CNTNAP2: variants seen among roughly 807,000 people sequenced by gnomAD.
The protein encoded by CNTNAP2 is contactin-associated protein-like 2.
Under a neutral mutation model 155.2 loss-of-function variants are expected in CNTNAP2, and 98 were observed. The observed-to-expected ratio is 0.63, with a 90% CI of 0.54 to 0.75. The LOEUF is 0.75. CNTNAP2 is among the 30% of genes least tolerant of loss of function. The pLI, the probability that CNTNAP2 is intolerant of heterozygous loss-of-function variation, is 0.00. For synonymous variants in CNTNAP2, 651 were observed against 631.2 expected (o/e 1.03, Z -0.47); for missense variants, 1,727 against 1,688.1 (o/e 1.02, Z -0.40).
At chr7:146,213,834 A>T (rs558631725) in intron 1 of CNTNAP2, among the ~76,000 whole-genome samples, 1 of 152,206 alleles carries the variant, frequency 6.6e-6, no homozygotes, top group South Asian at 2.1e-4. Context: ...ATAAGATGCC[A>T]TCATTGTTTT....
At chr7:146,487,865 C>G (rs1797079901) in intron 1 of CNTNAP2, among the ~76,000 whole-genome samples, 1 of 152,140 alleles carries the variant, frequency 6.6e-6, no homozygotes, top group East Asian at 1.9e-4. Flanking sequence ...TAGAGTCAGC[C>G]CTGTTTAAAA....
chr7:146,221,372 T>A (rs802533), intron 1 of CNTNAP2, among the ~76,000 whole-genome samples: 24 of 152,154 alleles, frequency 1.6e-4, no homozygotes, highest in African/African-American at 5.5e-4. Flanking sequence ...TTAAATATAC[T>A]TTTAAATATA....
intron 8 of CNTNAP2, among the ~76,000 whole-genome samples, chr7:147,160,919 C>T (rs1451120958): frequency 6.6e-6 from 1 of 152,038 alleles, no homozygotes; most frequent in South Asian, 2.1e-4. Context: ...CTTTTTCTTG[C>T]TTACTAAATA....
At chr7:147,377,106 T>C (rs529980632) in intron 9 of CNTNAP2, among the ~76,000 whole-genome samples, 1 of 151,678 alleles carries the variant, frequency 6.6e-6, no homozygotes, top group African/African-American at 2.4e-5. Context: ...ATTTTGCTTT[T>C]TCTTTTTGAT....
Position 146,116,895 on chromosome 7 carries a change from G to T in CNTNAP2, c.19G>T (p.Ala7Ser), listed in dbSNP as rs1064795189. The T allele has an allele frequency of 6.5e-7, 1 of 1,545,952 alleles. No homozygotes were observed. Among genetic ancestry groups the T allele is most frequent in the African/African-American group, 1.4e-5 (1 of 73,080 alleles). Residue 7 changes from alanine to serine, a missense_variant, in exon 1 of 24, where the codon GCC becomes TCC. By Grantham distance (99) the Ala-to-Ser change is moderately conservative. Coordinates refer to ENST00000361727, the MANE Select transcript of CNTNAP2 (RefSeq NM_014141.6). The surrounding 1 kb of genome is among the most constrained non-coding windows in gnomAD (Gnocchi z 5.5). ...GCGAAGGATGCAGGCGGCTCCGCGC[G>T]CCGGCTGCGGGGCAGCGCTCCTGCT... is the stretch of plus-strand genomic sequence containing the variant. Reference protein sequence around the residue: MQAAPRAGCGAALLLWI... With the variant: MQAAPRSGCGAALLLWI...
chr7:147,949,440 G>GTATATA (rs57422437), intron 14 of CNTNAP2, among the ~76,000 whole-genome samples: 24 of 127,398 alleles, frequency 1.9e-4, no homozygotes, highest in Non-Finnish European at 3.3e-4. Flanking sequence ...TCAACTGTGT[G>GTATATA]TATATATATA....
At chr7:146,162,230 A>T (rs918209238) in intron 1 of CNTNAP2, among the ~76,000 whole-genome samples, 3 of 152,232 alleles carry the variant, frequency 2.0e-5, no homozygotes, top group Admixed American at 1.3e-4. Flanking sequence ...CAGGCAAGCT[A>T]CAGAATGGGA....
chr7:146,930,595 T>G (rs1447258415), intron 3 of CNTNAP2, among the ~76,000 whole-genome samples: 1 of 152,168 alleles, frequency 6.6e-6, no homozygotes, highest in Non-Finnish European at 1.5e-5. Context: ...ATATTAACTT[T>G]AAATGTAAAT....
intron 13 of CNTNAP2, among the ~76,000 whole-genome samples, chr7:147,723,710 A>C (rs1796601391): frequency 1.3e-5 from 2 of 152,076 alleles, no homozygotes; most frequent in South Asian, 4.1e-4. Context: ...GGTCCAACTC[A>C]CTTCACCTCA....
intron 14 of CNTNAP2, among the ~76,000 whole-genome samples, chr7:147,916,591 G>GA (rs10545940): frequency 3.3e-4 from 45 of 135,986 alleles, no homozygotes; most frequent in Non-Finnish European, 4.9e-4. Context: ...CTTTTTTTCT[G>GA]AAAAAAAAAA....
intron 1 of CNTNAP2, among the ~76,000 whole-genome samples, chr7:146,305,319 C>T (rs532249089): frequency 1.1e-4 from 16 of 152,208 alleles, no homozygotes; most frequent in Admixed American, 3.3e-4. Flanking sequence ...CCGTTGCTGG[C>T]GAGGAACTGC....
chr7:147,587,464 C>T (rs1464291397), intron 12 of CNTNAP2, among the ~76,000 whole-genome samples: 1 of 152,130 alleles, frequency 6.6e-6, no homozygotes, highest in Non-Finnish European at 1.5e-5. Flanking sequence ...GGCTGCTTTG[C>T]TTACATTTCA....
At chr7:146,729,572 T>C (rs1431805667) in intron 1 of CNTNAP2, among the ~76,000 whole-genome samples, 1 of 151,592 alleles carries the variant, frequency 6.6e-6, no homozygotes, top group Non-Finnish European at 1.5e-5. Context: ...TAAATATATG[T>C]ATATATATAT....
At chr7:146,364,911 T>G (rs1356595722) in intron 1 of CNTNAP2, among the ~76,000 whole-genome samples, 2 of 152,172 alleles carry the variant, frequency 1.3e-5, no homozygotes, top group Non-Finnish European at 2.9e-5. Context: ...ATGTGTGTGT[T>G]TGTTAAATAT....
At chr7:146,230,394 C>A (rs532963290) in intron 1 of CNTNAP2, among the ~76,000 whole-genome samples, 1 of 152,304 alleles carries the variant, frequency 6.6e-6, no homozygotes. Flanking sequence ...TCTAGAAATT[C>A]TAGTATGCTG....
rs568633896 is a variant in CNTNAP2 at position 146,941,956 on chromosome 7, T to C, written c.403-101951T>C. On this transcript the variant is annotated intron_variant, in intron 3 of 23. Coordinates refer to ENST00000361727, the MANE Select transcript of CNTNAP2 (RefSeq NM_014141.6). Reference sequence around the variant, plus strand: ...TCTTCAATTTTTGATAGTTTGATTTTAATATGTCTTGGGGTATTCTTATTT... The same window carrying C: ...TCTTCAATTTTTGATAGTTTGATTTCAATATGTCTTGGGGTATTCTTATTT... 2.6e-5 allele frequency among the ~76,000 whole-genome samples: 4 copies of C among 152,216 alleles called. No individual in the cohort carries two copies. In the East Asian group the frequency reaches 7.7e-4, roughly 29 times the overall value.
At chr7:146,615,781 G>C (rs992615778) in intron 1 of CNTNAP2, among the ~76,000 whole-genome samples, 4 of 152,194 alleles carry the variant, frequency 2.6e-5, no homozygotes, top group Non-Finnish European at 5.9e-5. Context: ...CTGAGACACA[G>C]TATACATTGC....
rs138827017 is a variant in CNTNAP2 at position 146,877,392 on chromosome 7, C to T, written c.402+37488C>T. 6.6e-3 allele frequency among the ~76,000 whole-genome samples: 998 copies of T among 151,960 alleles called. 4 individuals are homozygous for T. The highest frequency in any genetic ancestry group is 0.017 in the Middle Eastern group (5 of 292). ...TGGTGCCATGTGCCTGCAGTCTTATCTGCTGGAGTGGCTAAACCTGGAAGA... is the reference window on the plus strand; with the variant it reads ...TGGTGCCATGTGCCTGCAGTCTTATTTGCTGGAGTGGCTAAACCTGGAAGA... On this transcript the variant is annotated intron_variant, in intron 3 of 23. Transcript: ENST00000361727.
At chr7:148,369,936 C>T (rs113637025) in intron 21 of CNTNAP2, among the ~76,000 whole-genome samples, 6 of 152,170 alleles carry the variant, frequency 3.9e-5, no homozygotes, top group African/African-American at 9.6e-5. Context: ...CCCTCAGTTT[C>T]GTAGCCTCTT....
Sources: gnomAD v4.1 joint callset for allele counts (sites outside exome capture counted in the v4.1 genomes callset) on GRCh38, gnomAD v4.1.1 for gene constraint, Gnocchi (gnomAD v3.1) non-coding constraint, MANE v1.5 for transcripts, NCBI Gene and HGNC (gene_info 2026-07-23, HGNC 2026-07-21) for gene names.